The following GFRA1 variants were observed in gnomAD, a reference collection of about 807,000 sequenced individuals.
GFRA1 encodes the protein GDNF family receptor alpha 1, also known as GDNF family receptor alpha-1.
A neutral mutation model predicts 51.6 loss-of-function variants in GFRA1; 16 were observed. That is an observed-to-expected ratio of 0.31 (90% confidence interval 0.21 to 0.47). The LOEUF is 0.47. Ranked by LOEUF, GFRA1 falls within the 20% of genes least tolerant of loss-of-function variation. The pLI is 1.00. For synonymous variants in GFRA1, 270 were observed against 241.3 expected (o/e 1.12, Z -1.10); for missense variants, 530 against 594.3 (o/e 0.89, Z 1.13).
chr10:116,218,717 C>A (rs1469439391), intron 4 of GFRA1, among the ~76,000 whole-genome samples: 1 of 152,164 alleles, frequency 6.6e-6, no homozygotes, highest in Non-Finnish European at 1.5e-5. Context: ...CCCCGGTGAG[C>A]CTTGGTAATA....
intron 9 of GFRA1, among the ~76,000 whole-genome samples, chr10:116,082,598 A>C (rs546245464): frequency 6.6e-6 from 1 of 152,104 alleles, no homozygotes; most frequent in South Asian, 2.1e-4. Flanking sequence ...CTCCTGCTTC[A>C]GCCTCCTGAG....
In GFRA1 at chr10:116,093,715, G is replaced by A. The variant is rs199939826; in HGVS notation, c.1002C>T (p.Asp334=). 7.2e-4 allele frequency: 1,159 copies of A among 1,613,828 alleles called. 22 individuals are homozygous for A. In the South Asian group the frequency reaches 0.012, roughly 16 times the overall value. The part of the protein sequence containing the change: ...ECLKFLNFFK[D]NTCLKNAIQA... Reference sequence around the variant, plus strand: ...TTACAAACTCACTAAGACATGTATTGTCCTTGAAGAAATTCAAAAATTTCA... The same window carrying A: ...TTACAAACTCACTAAGACATGTATTATCCTTGAAGAAATTCAAAAATTTCA... The change falls in exon 8 of 11, where the codon GAC becomes GAT. Residue 334 remains aspartate, a synonymous_variant. Transcript: ENST00000355422.
intron 6 of GFRA1, among the ~76,000 whole-genome samples, chr10:116,106,626 C>G (rs1000473254): frequency 6.6e-6 from 1 of 152,118 alleles, no homozygotes; most frequent in Admixed American, 6.5e-5. Context: ...TGTGTGGCAC[C>G]TCCCTCCACT....
At chr10:116,178,307 C>CGGG (rs891197102) in intron 5 of GFRA1, among the ~76,000 whole-genome samples, 1 of 149,426 alleles carries the variant, frequency 6.7e-6, no homozygotes, top group Non-Finnish European at 1.5e-5. Flanking sequence ...GCCGGGGGGG[C>CGGG]GTTTTACTCC....
At chr10:116,171,699 C>A (rs183010045) in intron 5 of GFRA1, among the ~76,000 whole-genome samples, 2 of 152,274 alleles carry the variant, frequency 1.3e-5, no homozygotes, top group Non-Finnish European at 2.9e-5. Flanking sequence ...GACTGTTAGC[C>A]GCTGCTGAGA....
At chr10:116,176,369 T>G (rs1464854089) in intron 5 of GFRA1, among the ~76,000 whole-genome samples, 1 of 152,152 alleles carries the variant, frequency 6.6e-6, no homozygotes, top group Non-Finnish European at 1.5e-5. Context: ...GTAAACCCCA[T>G]GCTGGAGGTG....
intron 5 of GFRA1, among the ~76,000 whole-genome samples, chr10:116,190,176 A>G (rs1963122531): frequency 6.6e-6 from 1 of 152,216 alleles, no homozygotes; most frequent in Non-Finnish European, 1.5e-5. Flanking sequence ...CTTCTCTTCA[A>G]TAAGCCCTGT....
In GFRA1 at chr10:116,073,320, C is replaced by A. The variant is rs151221478; in HGVS notation, c.1198-7694G>T. On this transcript the variant is annotated intron_variant, in intron 9 of 10. Coordinates refer to ENST00000355422, the MANE Select transcript of GFRA1 (RefSeq NM_005264.8). ...CTGGGCTTACTTCTTCTTTTCATACCTTCACAGGATCACCTTACATCTTTT... is the reference window on the plus strand; with the variant it reads ...CTGGGCTTACTTCTTCTTTTCATACATTCACAGGATCACCTTACATCTTTT... Among the ~76,000 whole-genome samples, 619 of 152,272 alleles carry A rather than the reference C, an allele frequency of 4.1e-3. 7 individuals carry two copies. Among genetic ancestry groups the A allele is most frequent in the African/African-American group, 0.014 (587 of 41,554 alleles).
intron 5 of GFRA1, among the ~76,000 whole-genome samples, chr10:116,204,711 T>C (rs1003136964): frequency 6.6e-6 from 1 of 152,124 alleles, no homozygotes; most frequent in South Asian, 2.1e-4. Context: ...AAAATAGTAA[T>C]AGATTAGAAC....
At chr10:116,180,118 T>C (rs978815646) in intron 5 of GFRA1, among the ~76,000 whole-genome samples, 4 of 152,246 alleles carry the variant, frequency 2.6e-5, no homozygotes, top group African/African-American at 9.6e-5. Context: ...TGAACAAATA[T>C]ATAATTAATT....
rs369534363 is a variant in GFRA1 at position 116,211,631 on chromosome 10, C to G, written c.433G>C (p.Val145Leu). Residue 145 changes from valine to leucine, a missense_variant and splice_region_variant, in exon 5 of 11, where the codon GTG (valine) becomes CTG (leucine). Physicochemically the swap from Val to Leu is conservative, Grantham distance 32. Coordinates refer to ENST00000355422, the MANE Select transcript of GFRA1 (RefSeq NM_005264.8). ...AGCAGGCAGGAAACAGTGAACTTAC[C>G]TTGCTGAAAAACATCTGCCAAGAAA... ...VPFISDVFQQVEHIPKGNNCL... is the reference protein window; with the variant it reads ...VPFISDVFQQLEHIPKGNNCL... 80 of 1,550,964 alleles carry G rather than the reference C, an allele frequency of 5.2e-5. No homozygotes were observed. Among genetic ancestry groups the G allele is most frequent in the Middle Eastern group, 1.7e-4 (1 of 5,990 alleles).
intron 5 of GFRA1, among the ~76,000 whole-genome samples, chr10:116,203,318 G>A (rs2694758): frequency 0.026 from 4,027 of 152,250 alleles, 133 homozygotes; most frequent in African/African-American, 0.076. Context: ...AAAACAATGC[G>A]AGTGGGGCTC....
At chr10:116,171,347 C>T (rs1177857072) in intron 5 of GFRA1, among the ~76,000 whole-genome samples, 4 of 152,222 alleles carry the variant, frequency 2.6e-5, no homozygotes, top group East Asian at 1.9e-4. Flanking sequence ...ATCAAACAGA[C>T]GCTAAACTCG....
intron 7 of GFRA1, among the ~76,000 whole-genome samples, chr10:116,095,740 C>T (rs1000109770): frequency 3.9e-5 from 6 of 152,186 alleles, no homozygotes; most frequent in Non-Finnish European, 7.3e-5. Context: ...TGCTGTCATT[C>T]TCCGGGAGAG....
chr10:116,266,930 T>C (rs996473313), intron 4 of GFRA1, among the ~76,000 whole-genome samples: 10 of 152,170 alleles, frequency 6.6e-5, no homozygotes, highest in South Asian at 2.1e-4. Flanking sequence ...TTTACTCCAA[T>C]TGCCTCATTA....
At chr10:116,222,313 C>T (rs553993852) in intron 4 of GFRA1, among the ~76,000 whole-genome samples, 1 of 152,270 alleles carries the variant, frequency 6.6e-6, no homozygotes, top group South Asian at 2.1e-4. Flanking sequence ...ATTCTCCTGC[C>T]TCAGCCTCCA....
intron 6 of GFRA1, among the ~76,000 whole-genome samples, chr10:116,109,928 C>T (rs1957143161): frequency 6.6e-6 from 1 of 152,146 alleles, no homozygotes; most frequent in Non-Finnish European, 1.5e-5. Flanking sequence ...CTTCCAGTAT[C>T]TCCTCCACAG....
chr10:116,157,457 C>A (rs1959262568), intron 5 of GFRA1, among the ~76,000 whole-genome samples: 1 of 152,210 alleles, frequency 6.6e-6, no homozygotes, highest in East Asian at 1.9e-4. Flanking sequence ...AAGCACCATC[C>A]TACCCACCAC....
intron 4 of GFRA1, among the ~76,000 whole-genome samples, chr10:116,241,363 T>C (rs192433873): frequency 6.6e-6 from 1 of 152,296 alleles, no homozygotes; most frequent in Non-Finnish European, 1.5e-5. Flanking sequence ...GAACCGAATC[T>C]GTCAAAACAA....
Sources: allele counts gnomAD v4.1 joint callset (sites outside exome capture counted in the v4.1 genomes callset), GRCh38; gene constraint gnomAD v4.1.1; transcripts MANE v1.5; gene names NCBI Gene and HGNC (gene_info 2026-07-23, HGNC 2026-07-21).